The following C1orf87 variants were observed in gnomAD, a reference collection of about 807,000 sequenced individuals.
The protein encoded by C1orf87 is uncharacterized protein C1orf87.
C1orf87 carries 58 observed loss-of-function variants against 60.5 expected under a neutral mutation model. The observed-to-expected ratio is 0.96, with a 90% CI of 0.78 to 1.19. The LOEUF (loss-of-function observed/expected upper bound fraction) is 1.19, where lower values mean the gene tolerates loss of function less well. Ranked by LOEUF, C1orf87 falls within the 50% of genes most tolerant of loss-of-function variation. C1orf87 has a pLI of 0.00. For missense variants in C1orf87, 673 were observed against 638.6 expected, an observed-to-expected ratio of 1.05 and a Z score of -0.58; for synonymous variants, 236 against 227.4, an observed-to-expected ratio of 1.04 and a Z score of -0.34.
At position 60,072,665 on chromosome 1, in the gene C1orf87, A is replaced by G. The variant is rs768582393; in HGVS notation, c.-22T>C. ...ACATGATTCCTTTCAAAATCCCTTC[A>G]GATCCCTAGGGGTGAAAATAAGTAA... is the stretch of plus-strand genomic sequence containing the variant. On this transcript the variant is annotated 5_prime_UTR_variant, in exon 2 of 12. Transcript: ENST00000371201. 20 of 1,540,044 alleles carry G rather than the reference A, an allele frequency of 1.3e-5. No individual in the cohort carries two copies. Among genetic ancestry groups the G allele is most frequent in the Non-Finnish European group, 1.8e-5 (20 of 1,122,276 alleles).
chr1:60,070,353 C>A (rs370780584), intron 2 of C1orf87, among the ~76,000 whole-genome samples: 24 of 152,086 alleles, frequency 1.6e-4, no homozygotes, highest in East Asian at 3.9e-4. Context: ...TTTGGAGAAG[C>A]CTTTATTTTT....
At chr1:60,054,800 T>C (rs987995697) in intron 3 of C1orf87, among the ~76,000 whole-genome samples, 1 of 152,218 alleles carries the variant, frequency 6.6e-6, no homozygotes, top group Non-Finnish European at 1.5e-5. Context: ...TTTTTTTTTG[T>C]AATTAGACAT....
intron 9 of C1orf87, among the ~76,000 whole-genome samples, chr1:60,005,121 G>T (rs1035566372): frequency 6.6e-5 from 10 of 152,028 alleles, no homozygotes; most frequent in Admixed American, 2.0e-4. Flanking sequence ...TTGTGAGAAG[G>T]AAACTCATAT....
rs77055740 is a variant in C1orf87 at position 60,011,568 on chromosome 1, T to G, written c.1128-1112A>C. Among the ~76,000 whole-genome samples, 469 of 152,234 alleles carry G rather than the reference T, an allele frequency of 3.1e-3. 1 individual carries two copies. The highest frequency in any genetic ancestry group is 0.011 in the African/African-American group (446 of 41,566). On this transcript the variant is annotated intron_variant, in intron 8 of 11. Coordinates refer to ENST00000371201, the MANE Select transcript of C1orf87 (RefSeq NM_152377.3). ...TTGAAAATATTTCCTTTTACTTGTG[T>G]TAGCAAAAGACAGTTTCTGTTGCTA...
In C1orf87 at chr1:60,018,497, A is replaced by G. The variant is rs76211246; in HGVS notation, c.1127+6904T>C. 5.9e-5 allele frequency among the ~76,000 whole-genome samples: 9 copies of G among 152,068 alleles called. No individual in the cohort carries two copies. In the East Asian group the frequency reaches 1.5e-3, roughly 26 times the overall value. On this transcript the variant is annotated intron_variant, in intron 8 of 11. Coordinates refer to ENST00000371201, the MANE Select transcript of C1orf87 (RefSeq NM_152377.3). ...TCTTGGTCTCATATTCCCGATTCTC[A>G]GAATCTTGGTTCTGGATCTCAATTT...
At position 60,040,140 on chromosome 1, in the gene C1orf87, G is replaced by C; in HGVS notation, c.524C>G (p.Ala175Gly). ...TCTTCTGACCAGGGCAAGAAGAAAA[G>C]CGTCTTCATTTGTTGTCCCACTTGG... ...QSPSGTTNED[A>G]FLLALVRREL... The change falls in exon 5 of 12, where the codon GCT (alanine) becomes GGT (glycine). Residue 175 changes from alanine (A) to glycine (G), a missense_variant. By Grantham distance (60) the Ala-to-Gly change is moderately conservative. Coordinates refer to ENST00000371201, the MANE Select transcript of C1orf87 (RefSeq NM_152377.3). The C allele has an allele frequency of 6.2e-7, 1 of 1,613,958 alleles. No homozygotes were observed. The highest frequency in any genetic ancestry group is 1.6e-4 in the Middle Eastern group (1 of 6,062).
In C1orf87 at chr1:60,072,676, G is replaced by A. The variant is rs1217803012; in HGVS notation, c.-27-6C>T. 1 of 1,473,916 alleles carries A rather than the reference G, an allele frequency of 6.8e-7. No homozygotes were observed. 91.3% of individuals were successfully genotyped at this position (1,473,916 alleles called of 1,614,324 possible). A position where few individuals can be genotyped will look rare whatever the true frequency, so the allele number is the denominator to read the frequency against. On this transcript the variant is annotated splice_region_variant and splice_polypyrimidine_tract_variant and intron_variant, in intron 1 of 11. Transcript: ENST00000371201. ...TTCAAAATCCCTTCAGATCCCTAGG[G>A]GTGAAAATAAGTAAATTGTTCCTCT...
At chr1:60,065,110 A>G (rs964520529) in intron 2 of C1orf87, among the ~76,000 whole-genome samples, 2 of 124,322 alleles carry the variant, frequency 1.6e-5, no homozygotes, top group African/African-American at 5.9e-5. Flanking sequence ...ACCCTGACTA[A>G]TACAATGAGG....
rs763120072 is a variant in C1orf87 at position 60,055,476 on chromosome 1, C to A, written c.108-38G>T. 5 of 1,559,086 alleles carry A rather than the reference C, an allele frequency of 3.2e-6. No homozygotes were observed. In the African/African-American group the frequency reaches 4.1e-5, roughly 13 times the overall value. On this transcript the variant is annotated intron_variant, in intron 2 of 11. Coordinates refer to ENST00000371201, the MANE Select transcript of C1orf87 (RefSeq NM_152377.3). ...AATTGTATACTTTGTTACTTACAGG[C>A]AGACTCCTCATACACTAGGCTGGCA...
Position 60,038,007 on chromosome 1 carries a change from C to T in C1orf87, c.848G>A (p.Gly283Asp), listed in dbSNP as rs1273908920. ...AGAAGAGTACCTTTGGCTATGAGTG[C>T]CATGACTCTCAGTTTTTCTCAGGTC... is the stretch of plus-strand genomic sequence containing the variant. ...AADLRKTESHGTHSQSTPPQH... is the reference protein window; with the variant it reads ...AADLRKTESHDTHSQSTPPQH... Residue 283 changes from glycine to aspartate, a missense_variant, in exon 6 of 12, where the codon GGC (glycine) becomes GAC (aspartate). Gly to Asp is a moderately conservative substitution (Grantham distance 94). Transcript: ENST00000371201. 3 of 1,608,370 alleles carry T rather than the reference C, an allele frequency of 1.9e-6. No homozygotes were observed. Among genetic ancestry groups the T allele is most frequent in the Admixed American group, 1.7e-5 (1 of 59,916 alleles).
intron 6 of C1orf87, among the ~76,000 whole-genome samples, chr1:60,037,532 G>A (rs576733110): frequency 1.2e-3 from 190 of 152,226 alleles, no homozygotes; most frequent in African/African-American, 4.0e-3. Flanking sequence ...AGATAAACCC[G>A]CTTTTTACAG....
In C1orf87 at chr1:60,040,903, C is replaced by A. The variant is rs145544196; in HGVS notation, c.483+88G>T. 61 of 1,427,566 alleles carry A rather than the reference C, an allele frequency of 4.3e-5. No individual in the cohort carries two copies. The African/African-American group carries it at 7.1e-4, about 17-fold the overall frequency. 88.4% of individuals were successfully genotyped at this position (1,427,566 alleles called of 1,614,324 possible). On this transcript the variant is annotated intron_variant, in intron 4 of 11. Transcript: ENST00000371201. ...CCACTATGACCAGCCCTCAGACCAA[C>A]TTATCTTCTGCTCCACATCAAGAAA...
intron 3 of C1orf87, among the ~76,000 whole-genome samples, chr1:60,047,389 G>A (rs139690726): frequency 7.2e-5 from 11 of 151,930 alleles, no homozygotes; most frequent in South Asian, 4.2e-4. Context: ...AAATTATGTC[G>A]CTTTCAACTG....
chr1:60,021,590 C>T (rs1341296837), intron 8 of C1orf87, among the ~76,000 whole-genome samples: 1 of 152,134 alleles, frequency 6.6e-6, no homozygotes, highest in Non-Finnish European at 1.5e-5. Flanking sequence ...ACCCCCAATT[C>T]AGTTCAAGTC....
At chr1:60,021,976 A>T (rs1645166457) in intron 8 of C1orf87, among the ~76,000 whole-genome samples, 1 of 152,144 alleles carries the variant, frequency 6.6e-6, no homozygotes, top group Admixed American at 6.5e-5. Context: ...CATTCAAAAG[A>T]TAGGTGTTAA....
In C1orf87 at chr1:60,072,427, T is replaced by C. The variant is rs1645590135; in HGVS notation, c.107+110A>G. 4 of 781,984 alleles carry C rather than the reference T, an allele frequency of 5.1e-6. No homozygotes were observed. The African/African-American group carries it at 6.9e-5, about 14-fold the overall frequency. The allele number at this position is 781,984 out of a possible 1,614,324, so 48.4% of individuals were successfully genotyped here. Reference sequence around the variant, plus strand: ...ACCTCTACTGTTGCATCTTAATGACTTCGTTTTCCATGGATGGCATTTTTT... The same window carrying C: ...ACCTCTACTGTTGCATCTTAATGACCTCGTTTTCCATGGATGGCATTTTTT... On this transcript the variant is annotated intron_variant, in intron 2 of 11. Coordinates refer to ENST00000371201, the MANE Select transcript of C1orf87 (RefSeq NM_152377.3).
At chr1:60,051,444 G>C (rs1288036789) in intron 3 of C1orf87, among the ~76,000 whole-genome samples, 1 of 152,166 alleles carries the variant, frequency 6.6e-6, no homozygotes, top group African/African-American at 2.4e-5. Flanking sequence ...CTCTTAAAAT[G>C]TTTCCATCAG....
chr1:59,990,848 G>A lies in C1orf87; in HGVS notation c.1481-15C>T. 1.2e-6 allele frequency: 2 copies of A among 1,610,788 alleles called. No homozygotes were observed. Among genetic ancestry groups the A allele is most frequent in the Non-Finnish European group, 1.7e-6 (2 of 1,178,154 alleles). On this transcript the variant is annotated splice_polypyrimidine_tract_variant and intron_variant, in intron 11 of 11. Transcript: ENST00000371201. ...CTCCAGAACTCCTGTGATTGGATTG[G>A]GTAGGAGGAAGGTTTTTTAAAGAGG...
At chr1:60,011,101 T>C (rs1357642210) in intron 8 of C1orf87, 1 of 151,960 alleles carries the variant, frequency 6.6e-6, no homozygotes, top group Non-Finnish European at 1.5e-5. Context: ...AGGGGATAAA[T>C]ATGAGTTCTG....
Sources: gnomAD v4.1 joint callset for allele counts (sites outside exome capture counted in the v4.1 genomes callset) on GRCh38, gnomAD v4.1.1 for gene constraint, MANE v1.5 for transcripts, NCBI Gene and HGNC (gene_info 2026-07-23, HGNC 2026-07-21) for gene names.